The following MEF2A variants were observed in gnomAD, a reference collection of about 807,000 sequenced individuals.
MEF2A encodes myocyte-specific enhancer factor 2A.
Under a neutral mutation model 55.8 loss-of-function variants are expected in MEF2A, and 28 were observed. That is an observed-to-expected ratio of 0.50 (90% CI 0.37 to 0.69). The LOEUF (loss-of-function observed/expected upper bound fraction) is 0.69, where lower values mean the gene tolerates loss of function less well. Among genes scored for constraint, MEF2A ranks in the 30% least tolerant of loss-of-function variants. The pLI, the probability that MEF2A is intolerant of heterozygous loss-of-function variation, is 0.00. For synonymous variants in MEF2A, 239 were observed against 227.1 expected, an observed-to-expected ratio of 1.05 and a Z score of -0.47; for missense variants, 528 against 626.2, an observed-to-expected ratio of 0.84 and a Z score of 1.67.
intron 4 of MEF2A, among the ~76,000 whole-genome samples, chr15:99,665,234 A>G (rs1044013381): frequency 3.9e-5 from 6 of 152,196 alleles, no homozygotes; most frequent in African/African-American, 1.4e-4. Flanking sequence ...TCAGGCTTTC[A>G]TTGTTTTTCC....
intron 2 of MEF2A, among the ~76,000 whole-genome samples, chr15:99,610,675 T>C (rs1393292153): frequency 6.6e-6 from 1 of 152,104 alleles, no homozygotes; most frequent in Non-Finnish European, 1.5e-5. Context: ...TTTTTAATTA[T>C]TATTTTTTTT....
chr15:99,689,831 T>G (rs1480864642), intron 7 of MEF2A, among the ~76,000 whole-genome samples: 1 of 152,216 alleles, frequency 6.6e-6, no homozygotes, highest in Admixed American at 6.5e-5. Context: ...GGAGTAATGC[T>G]GTACAAGTAT....
At position 99,658,046 on chromosome 15, in the gene MEF2A, A is replaced by G. The variant is rs143608469; in HGVS notation, c.258+12282A>G. On this transcript the variant is annotated intron_variant, in intron 4 of 11. Transcript: ENST00000557942. Reference sequence around the variant, plus strand: ...ACCTTTCAGAACTATAGAGCATCATACAAAGATGACCAAGCATACAAGAAA... The same window carrying G: ...ACCTTTCAGAACTATAGAGCATCATGCAAAGATGACCAAGCATACAAGAAA... 5.2e-3 allele frequency among the ~76,000 whole-genome samples: 797 copies of G among 152,306 alleles called. 2 individuals are homozygous for G. The highest frequency in any genetic ancestry group is 9.0e-3 in the Non-Finnish European group (612 of 68,004).
intron 4 of MEF2A, among the ~76,000 whole-genome samples, chr15:99,670,563 T>TTG (rs2050673491): frequency 6.6e-6 from 1 of 151,922 alleles, no homozygotes; most frequent in African/African-American, 2.4e-5. Context: ...TGAGCCAACA[T>TTG]CGTGCCACTG....
At chr15:99,683,853 A>C (rs945254290) in intron 7 of MEF2A, among the ~76,000 whole-genome samples, 4 of 151,592 alleles carry the variant, frequency 2.6e-5, no homozygotes, top group Admixed American at 2.0e-4. Context: ...TTTATGCCTC[A>C]CTCCCTCCCA....
chr15:99,581,208 G>C (rs1335303521), intron 1 of MEF2A, among the ~76,000 whole-genome samples: 2 of 152,034 alleles, frequency 1.3e-5, no homozygotes, highest in Non-Finnish European at 2.9e-5. Context: ...AACTTCATTA[G>C]TCATTATACA....
intron 2 of MEF2A, among the ~76,000 whole-genome samples, chr15:99,605,289 A>G (rs548301428): frequency 6.6e-6 from 1 of 152,310 alleles, no homozygotes; most frequent in Admixed American, 6.5e-5. Context: ...GAGCCAACCC[A>G]GATAATCCAA....
chr15:99,689,384 A>T (rs1292045584), intron 7 of MEF2A, among the ~76,000 whole-genome samples: 2 of 152,250 alleles, frequency 1.3e-5, no homozygotes, highest in African/African-American at 4.8e-5. Flanking sequence ...CTTTGCTCTC[A>T]CAAGAGTGAA....
intron 8 of MEF2A, among the ~76,000 whole-genome samples, chr15:99,702,007 G>C (rs2057442096): frequency 6.6e-6 from 1 of 152,186 alleles, no homozygotes. Flanking sequence ...AACTCAAAAT[G>C]TGTCGTATGA....
intron 7 of MEF2A, among the ~76,000 whole-genome samples, chr15:99,687,098 T>C (rs1223113939): frequency 2.1e-5 from 3 of 141,760 alleles, no homozygotes; most frequent in Non-Finnish European, 3.1e-5. Flanking sequence ...TTTTTTTTTT[T>C]TTTTTTTTTT....
At chr15:99,664,042 T>TA (rs2049140554) in intron 4 of MEF2A, among the ~76,000 whole-genome samples, 1 of 152,218 alleles carries the variant, frequency 6.6e-6, no homozygotes, top group African/African-American at 2.4e-5. Context: ...TTGGGGTAGA[T>TA]ACCATTGTTT....
intron 2 of MEF2A, among the ~76,000 whole-genome samples, chr15:99,603,917 G>T (rs1974192154): frequency 6.6e-6 from 1 of 152,072 alleles, no homozygotes; most frequent in South Asian, 2.1e-4. Context: ...GTGTTTGGAG[G>T]CTCTGTTACT....
At chr15:99,572,376 C>T (rs1290365505) in intron 1 of MEF2A, among the ~76,000 whole-genome samples, 1 of 152,254 alleles carries the variant, frequency 6.6e-6, no homozygotes, top group Non-Finnish European at 1.5e-5. Flanking sequence ...GAGGCCTAAT[C>T]TGACCATCCT....
chr15:99,577,571 C>T (rs1213389533), intron 1 of MEF2A, among the ~76,000 whole-genome samples: 1 of 152,148 alleles, frequency 6.6e-6, no homozygotes, highest in Non-Finnish European at 1.5e-5. Flanking sequence ...AGCTATATAA[C>T]CATAATGTAA....
chr15:99,712,835 G>A lies in MEF2A; in HGVS notation c.*64G>A, dbSNP rs547512214. 53 of 1,472,634 alleles carry A rather than the reference G, an allele frequency of 3.6e-5. No homozygotes were observed. The highest frequency in any genetic ancestry group is 3.7e-4 in the Middle Eastern group (2 of 5,452). 91.2% of individuals were successfully genotyped at this position (1,472,634 alleles called of 1,614,324 possible). A position where few individuals can be genotyped will look rare whatever the true frequency, so the allele number is the denominator to read the frequency against. ...GTGACCTGCCCTACATATCTAAATC[G>A]GTAAATAAGGACATGAGTTAAATAT... On this transcript the variant is annotated 3_prime_UTR_variant, in exon 12 of 12. Coordinates refer to ENST00000557942, the MANE Select transcript of MEF2A (RefSeq NM_001319206.4). This position sits in a 1 kb window ranked among gnomAD's most constrained non-coding sequence, Gnocchi z 4.1.
chr15:99,696,062 A>G (rs536776310), intron 8 of MEF2A, among the ~76,000 whole-genome samples: 34 of 152,362 alleles, frequency 2.2e-4, no homozygotes, highest in African/African-American at 7.5e-4. Flanking sequence ...TTTCCAAGAA[A>G]TAACTGTCTT....
chr15:99,628,963 A>AT (rs71149483), intron 2 of MEF2A, among the ~76,000 whole-genome samples: 2,941 of 133,754 alleles, frequency 0.022, 84 homozygotes, highest in African/African-American at 0.065. Flanking sequence ...TTTCAGAAGG[A>AT]TTTTTTTTTT....
At chr15:99,645,903 A>C in intron 4 of MEF2A, 139 bp downstream of exon 4, 2 of 605,682 alleles carry the variant, frequency 3.3e-6, no homozygotes, top group Non-Finnish European at 5.6e-6. Flanking sequence ...ATTTCTTAGA[A>C]GAGTGATTGC....
Position 99,631,648 on chromosome 15 carries a change from C to CT in MEF2A, c.-142-1318dup, listed in dbSNP as rs759389499. 6.6e-3 allele frequency among the ~76,000 whole-genome samples: 960 copies of CT among 145,484 alleles called. 9 individuals carry two copies. Among genetic ancestry groups the CT allele is most frequent in the African/African-American group, 0.019 (760 of 39,948 alleles). On this transcript the variant is annotated intron_variant, in intron 2 of 11. Transcript: ENST00000557942. Reference sequence around the variant, plus strand: ...ACTCTGCTAGATTAGGAATCATATCCTTTTTTTTTTTTCTGACCATGTTAT... The same window carrying CT: ...ACTCTGCTAGATTAGGAATCATATCCTTTTTTTTTTTTTCTGACCATGTTAT...
Sources: gnomAD v4.1 joint callset for allele counts (sites outside exome capture counted in the v4.1 genomes callset) on GRCh38, gnomAD v4.1.1 for gene constraint, Gnocchi (gnomAD v3.1) non-coding constraint, MANE v1.5 for transcripts, NCBI Gene and HGNC (gene_info 2026-07-23, HGNC 2026-07-21) for gene names.